KCNAB1: variants seen among roughly 807,000 people sequenced by gnomAD.
The protein encoded by KCNAB1 is potassium voltage-gated channel subfamily A regulatory beta subunit 1.
Under a neutral mutation model 64.6 loss-of-function variants are expected in KCNAB1, and 35 were observed. The ratio of observed to expected loss-of-function variants is 0.54; its 90% CI spans 0.41 to 0.72. KCNAB1 has a LOEUF of 0.72. KCNAB1 is among the 30% of genes least tolerant of loss of function. KCNAB1 has a pLI of 0.00. For missense variants in KCNAB1, 401 were observed against 512.9 expected (o/e 0.78, Z 2.11); for synonymous variants, 177 against 183.8 (o/e 0.96, Z 0.30).
chr3:156,519,585 G>A (rs548274892), intron 11 of KCNAB1, among the ~76,000 whole-genome samples: 49 of 152,200 alleles, frequency 3.2e-4, no homozygotes, highest in African/African-American at 1.1e-3. Flanking sequence ...CTCTGGTTGC[G>A]AGTAACAAAA....
intron 1 of KCNAB1, among the ~76,000 whole-genome samples, chr3:156,391,307 C>T (rs1380758818): frequency 2.0e-5 from 3 of 152,028 alleles, no homozygotes; most frequent in East Asian, 3.8e-4. Flanking sequence ...TATCTACATC[C>T]GAGATTAACT....
chr3:156,421,699 T>C lies in KCNAB1; in HGVS notation c.319+40T>C, dbSNP rs759236155. On this transcript the variant is annotated intron_variant, in intron 2 of 13. Transcript: ENST00000490337. ...TGTGACCTGGGGGTGGGCTGGAAGG[T>C]GGGAGACTGGGGAGGGCACCAGGGA... The C allele has an allele frequency of 9.4e-6, 15 of 1,590,138 alleles. 2 individuals carry two copies. In the South Asian group the frequency reaches 1.7e-4, roughly 18 times the overall value.
chr3:156,375,716 A>G (rs1711598397), intron 1 of KCNAB1, among the ~76,000 whole-genome samples: 1 of 135,996 alleles, frequency 7.4e-6, no homozygotes, highest in Non-Finnish European at 1.5e-5. Context: ...AAAATTAGGC[A>G]GTGGAAAAAC....
chr3:156,315,009 A>G (rs1251023427), intron 1 of KCNAB1, among the ~76,000 whole-genome samples: 1 of 152,172 alleles, frequency 6.6e-6, no homozygotes, highest in African/African-American at 2.4e-5. Flanking sequence ...AGGAGACTCC[A>G]TCTAAAAAAA....
At chr3:156,363,194 A>T (rs1453890661) in intron 1 of KCNAB1, among the ~76,000 whole-genome samples, 1 of 152,252 alleles carries the variant, frequency 6.6e-6, no homozygotes, top group Non-Finnish European at 1.5e-5. Context: ...GTAAATACAT[A>T]TAATTCTTTG....
At chr3:156,361,002 C>A (rs963341364) in intron 1 of KCNAB1, among the ~76,000 whole-genome samples, 6 of 152,134 alleles carry the variant, frequency 3.9e-5, no homozygotes, top group African/African-American at 1.4e-4. Flanking sequence ...CTTTTTTAAA[C>A]CTGAAGTCAT....
chr3:156,335,415 C>T (rs6782293), intron 1 of KCNAB1, among the ~76,000 whole-genome samples: 5,228 of 152,296 alleles, frequency 0.034, 303 homozygotes, highest in African/African-American at 0.12. Context: ...CACCAGCTGA[C>T]ACCTCCATTA....
At chr3:156,363,523 T>A (rs1725745777) in intron 1 of KCNAB1, among the ~76,000 whole-genome samples, 1 of 151,988 alleles carries the variant, frequency 6.6e-6, no homozygotes, top group Non-Finnish European at 1.5e-5. Context: ...TTGCCCAGGC[T>A]GGGGTGCAAT....
At chr3:156,137,091 T>A (rs1346341441) in intron 1 of KCNAB1, among the ~76,000 whole-genome samples, 1 of 152,162 alleles carries the variant, frequency 6.6e-6, no homozygotes, top group East Asian at 1.9e-4. Context: ...TAAACTTGTG[T>A]CACAGGGGTT....
chr3:156,284,838 G>A (rs1043387348), intron 1 of KCNAB1, among the ~76,000 whole-genome samples: 9 of 152,154 alleles, frequency 5.9e-5, no homozygotes, highest in Non-Finnish European at 1.2e-4. Flanking sequence ...CGCACGATGC[G>A]CGCACCCACT....
At chr3:156,118,843 CG>C (rs1237080432), upstream of KCNAB1, among the ~76,000 whole-genome samples, 1 of 152,182 alleles carries the variant, frequency 6.6e-6, no homozygotes, top group African/African-American at 2.4e-5. Context: ...GTCTACACTT[CG>C]GGGAGTCTAG....
At chr3:156,258,254 T>C (rs548519295) in intron 1 of KCNAB1, among the ~76,000 whole-genome samples, 1 of 152,252 alleles carries the variant, frequency 6.6e-6, no homozygotes, top group South Asian at 2.1e-4. Context: ...ACCTGAACAA[T>C]GGAATGCTAT....
intron 1 of KCNAB1, among the ~76,000 whole-genome samples, chr3:156,173,091 A>G (rs1712115437): frequency 6.6e-6 from 1 of 152,192 alleles, no homozygotes; most frequent in Non-Finnish European, 1.5e-5. Context: ...AGAGAAAGAA[A>G]AGCCTGGAAG....
chr3:156,465,952 T>A (rs149471066), intron 7 of KCNAB1, among the ~76,000 whole-genome samples: 1 of 152,304 alleles, frequency 6.6e-6, no homozygotes, highest in East Asian at 1.9e-4. Flanking sequence ...CTCATAAGAC[T>A]TTTTAAAAGA....
intron 1 of KCNAB1, among the ~76,000 whole-genome samples, chr3:156,214,290 T>TG (rs1432213035): frequency 2.6e-5 from 4 of 152,142 alleles, no homozygotes; most frequent in Non-Finnish European, 5.9e-5. Flanking sequence ...GTGAGTAGTC[T>TG]GGGGAACTGC....
At chr3:156,251,304 T>C (rs774248761) in intron 1 of KCNAB1, among the ~76,000 whole-genome samples, 2 of 152,146 alleles carry the variant, frequency 1.3e-5, no homozygotes, top group Non-Finnish European at 2.9e-5. Flanking sequence ...CACTTGAGAG[T>C]AAGTATGCTT....
At chr3:156,363,570 G>T (rs1271610698) in intron 1 of KCNAB1, among the ~76,000 whole-genome samples, 1 of 151,980 alleles carries the variant, frequency 6.6e-6, no homozygotes, top group Non-Finnish European at 1.5e-5. Flanking sequence ...CTGCCTCCTG[G>T]GTTCAAGAGA....
chr3:156,521,464 A>G (rs746045471), intron 11 of KCNAB1, among the ~76,000 whole-genome samples: 2 of 152,208 alleles, frequency 1.3e-5, no homozygotes, highest in Non-Finnish European at 2.9e-5. Flanking sequence ...CTTGCCAGCC[A>G]TAAGTGTCAG....
At chr3:156,192,467 CTGT>C (rs1456284241) in intron 1 of KCNAB1, among the ~76,000 whole-genome samples, 3 of 151,950 alleles carry the variant, frequency 2.0e-5, no homozygotes, top group Non-Finnish European at 4.4e-5. Context: ...ATGTGTTTTG[CTGT>C]TGTTAGGGTT....
Sources: gnomAD v4.1 joint callset for allele counts (sites outside exome capture counted in the v4.1 genomes callset) on GRCh38, gnomAD v4.1.1 for gene constraint, MANE v1.5 for transcripts, NCBI Gene and HGNC (gene_info 2026-07-23, HGNC 2026-07-21) for gene names.